Variants in ITPKA observed in about 807,000 individuals in gnomAD.
ITPKA encodes the protein IP3 3-kinase A.
In ITPKA, 16 loss-of-function variants were observed where a neutral mutation model predicts 40.7. That is an observed-to-expected ratio of 0.39 (90% CI 0.27 to 0.60). The LOEUF (loss-of-function observed/expected upper bound fraction) is 0.60. Among genes scored for constraint, ITPKA ranks in the 20% least tolerant of loss-of-function variants. ITPKA has a pLI of 0.50. For missense variants in ITPKA, 540 were observed against 649.3 expected, an observed-to-expected ratio of 0.83 and a Z score of 1.83; for synonymous variants, 313 against 289.9, an observed-to-expected ratio of 1.08 and a Z score of -0.81.
At position 41,494,152 on chromosome 15, in the gene ITPKA, G is replaced by A. The variant is rs548638308; in HGVS notation, c.225G>A (p.Pro75=). 395 of 1,472,774 alleles carry A rather than the reference G, an allele frequency of 2.7e-4. 3 individuals carry two copies. In the South Asian group the frequency reaches 4.8e-3, roughly 18 times the overall value. The allele number at this position is 1,472,774 out of a possible 1,614,324, so 91.2% of individuals were successfully genotyped here. The part of the protein sequence containing the change: ...QVPNGLPRAP[P]APVIPQLTVT... ...CCAACGGGCTTCCGCGGGCTCCCCC[G>A]GCCCCGGTGATCCCTCAGCTGACCG... Residue 75 remains proline (P), a synonymous_variant, in exon 1 of 7, where the codon CCG becomes CCA. Transcript: ENST00000260386. This position sits in a 1 kb window ranked among gnomAD's most constrained non-coding sequence, Gnocchi z 7.8.
Position 41,494,283 on chromosome 15 carries a change from G to T in ITPKA, c.356G>T (p.Arg119Leu), listed in dbSNP as rs868147683. The T allele has an allele frequency of 6.5e-7, 1 of 1,548,234 alleles. No homozygotes were observed. The highest frequency in any genetic ancestry group is 1.4e-5 in the African/African-American group (1 of 72,894). The change falls in exon 1 of 7, where the codon CGC becomes CTC. Residue 119 changes from arginine (R) to leucine (L), a missense_variant. Arg to Leu is a moderately radical substitution (Grantham distance 102). Coordinates refer to ENST00000260386, the MANE Select transcript of ITPKA (RefSeq NM_002220.3). This position sits in a 1 kb window ranked among gnomAD's most constrained non-coding sequence, Gnocchi z 7.8. Reference protein sequence around the residue: ...AGSSHLQQPRRLSTSSVSSTG... With the variant: ...AGSSHLQQPRLLSTSSVSSTG... ...TCTTCGCACCTGCAGCAGCCGCGCC[G>T]CCTTTCCACCTCGTCGGTCTCCTCC...
chr15:41,502,371 G>A (rs1287549932), intron 4 of ITPKA, 31 bp from the exon 5 acceptor site: 16 of 1,511,574 alleles, frequency 1.1e-5, no homozygotes, highest in Non-Finnish European at 1.4e-5. Context: ...TGGCGGGCCC[G>A]GGGCCCCTGA....
intron 5 of ITPKA, 40 bp downstream of exon 5, chr15:41,502,543 T>C: frequency 8.1e-7 from 1 of 1,237,438 alleles, no homozygotes. Context: ...TTGGGGAGCC[T>C]GAAGCCGAGG....
chr15:41,502,370 C>A, intron 4 of ITPKA, 32 bp from the exon 5 acceptor site: 1 of 1,511,928 alleles, frequency 6.6e-7, no homozygotes, highest in Non-Finnish European at 9.2e-7. Context: ...CTGGCGGGCC[C>A]GGGGCCCCTG....
At chr15:41,498,469 A>G (rs2051089100) in intron 1 of ITPKA, among the ~76,000 whole-genome samples, 1 of 152,186 alleles carries the variant, frequency 6.6e-6, no homozygotes, top group Admixed American at 6.5e-5. Flanking sequence ...ATCAAATGGT[A>G]GTAGCCCAGG....
intron 1 of ITPKA, among the ~76,000 whole-genome samples, chr15:41,500,915 AAG>A (rs2051104587): frequency 6.6e-6 from 1 of 151,450 alleles, no homozygotes; most frequent in Admixed American, 6.6e-5. Flanking sequence ...AGGCTGAAAC[AAG>A]AGAACCGCCT....
In ITPKA at chr15:41,493,899, G is replaced by T; in HGVS notation, c.-29G>T. On this transcript the variant is annotated 5_prime_UTR_variant, in exon 1 of 7. Transcript: ENST00000260386. The stretch of plus-strand genomic sequence containing the variant: ...AGTCCCCGGCGCGCCGCGGGCTGGT[G>T]GGCTCAGCGGCGGCGCCGGCACTGG... The T allele has an allele frequency of 1.0e-6, 1 of 1,002,424 alleles. No individual in the cohort carries two copies. The highest frequency in any genetic ancestry group is 1.2e-6 in the Non-Finnish European group (1 of 842,324). 62.1% of individuals were successfully genotyped at this position (1,002,424 alleles called of 1,614,324 possible).
Position 41,494,130 on chromosome 15 carries a change from A to G in ITPKA, c.203A>G (p.Asn68Ser), listed in dbSNP as rs1489820008. ...GAKRRGGQVP[N>S]GLPRAPPAPV... The stretch of plus-strand genomic sequence containing the variant: ...AAGCGGCGTGGGGGACAGGTCCCCA[A>G]CGGGCTTCCGCGGGCTCCCCCGGCC... The change falls in exon 1 of 7, where the codon AAC becomes AGC. Residue 68 changes from asparagine to serine, a missense_variant. Transcript: ENST00000260386. This position sits in a 1 kb window ranked among gnomAD's most constrained non-coding sequence, Gnocchi z 7.8. 1.4e-6 allele frequency: 2 copies of G among 1,444,484 alleles called. No homozygotes were observed. The highest frequency in any genetic ancestry group is 2.4e-5 in the Admixed American group (1 of 41,002). 89.5% of individuals were successfully genotyped at this position (1,444,484 alleles called of 1,614,324 possible). A position where few individuals can be genotyped will look rare whatever the true frequency, so the allele number is the denominator to read the frequency against.
chr15:41,501,597 G>A (rs1260910539), intron 2 of ITPKA, 38 bp downstream of exon 2: 8 of 1,579,256 alleles, frequency 5.1e-6, no homozygotes, highest in Non-Finnish European at 6.0e-6. Flanking sequence ...CCCGCGACGG[G>A]AAGGGGCTGG....
At chr15:41,500,902 G>A (rs989509744) in intron 1 of ITPKA, among the ~76,000 whole-genome samples, 1 of 151,118 alleles carries the variant, frequency 6.6e-6, no homozygotes, top group Non-Finnish European at 1.5e-5. Flanking sequence ...TCAGCTACTC[G>A]GGAGGCTGAA....
intron 4 of ITPKA, 71 bp downstream of exon 4, chr15:41,502,272 C>A (rs1299502521): frequency 2.2e-6 from 3 of 1,366,392 alleles, no homozygotes; most frequent in Non-Finnish European, 3.0e-6. Context: ...CCCCCGCTCC[C>A]GCCCCGCCTG....
Position 41,502,162 on chromosome 15 carries a change from C to T in ITPKA, c.969C>T (p.Ser323=). ...ACATGCAGTGGCGGGAAGGCATCAG[C>T]TCCAGCACCACCCTCGGCTTCCGCA... ...PRYMQWREGI[S]SSTTLGFRIE... The change falls in exon 4 of 7, where the codon AGC becomes AGT. Residue 323 remains serine (S), a synonymous_variant. Coordinates refer to ENST00000260386, the MANE Select transcript of ITPKA (RefSeq NM_002220.3). The T allele has an allele frequency of 1.3e-6, 2 of 1,597,738 alleles. No individual in the cohort carries two copies. The highest frequency in any genetic ancestry group is 1.7e-6 in the Non-Finnish European group (2 of 1,172,804).
rs577751439 is a variant in ITPKA at position 41,499,711 on chromosome 15, C to CT, written c.490-1751dup. ...TAACTGTGCTAAAAGGCAAGTGCCT[C>CT]TGTGGGGAGGCGGCAGACACAGTTG... is the stretch of plus-strand genomic sequence containing the variant. On this transcript the variant is annotated intron_variant, in intron 1 of 6. Coordinates refer to ENST00000260386, the MANE Select transcript of ITPKA (RefSeq NM_002220.3). Among the ~76,000 whole-genome samples, 253 of 152,236 alleles carry CT rather than the reference C, an allele frequency of 1.7e-3. 3 individuals carry two copies. Among genetic ancestry groups the CT allele is most frequent in the Middle Eastern group, 0.014 (4 of 294 alleles).
In ITPKA at chr15:41,503,314, G is replaced by T. The variant is rs1057486744; in HGVS notation, c.*148G>T. 3.1e-6 allele frequency: 2 copies of T among 652,236 alleles called. No homozygotes were observed. The highest frequency in any genetic ancestry group is 5.2e-6 in the Non-Finnish European group (2 of 383,580). 40.4% of individuals were successfully genotyped at this position (652,236 alleles called of 1,614,324 possible). On this transcript the variant is annotated 3_prime_UTR_variant, in exon 7 of 7. Coordinates refer to ENST00000260386, the MANE Select transcript of ITPKA (RefSeq NM_002220.3). ...GACCAGGTGCCAGCCACTAAGGGGG[G>T]GCACCGCCGATGCCAGGGGTTTTGC...
rs745923783 is a variant in ITPKA at position 41,502,016 on chromosome 15, C to T, written c.823C>T (p.Leu275=). 6.2e-7 allele frequency: 1 copy of T among 1,613,236 alleles called. No homozygotes were observed. The highest frequency in any genetic ancestry group is 1.1e-5 in the South Asian group (1 of 91,068). Residue 275 remains leucine (L), a synonymous_variant, in exon 4 of 7, where the codon CTG becomes TTG. Coordinates refer to ENST00000260386, the MANE Select transcript of ITPKA (RefSeq NM_002220.3). ...CCACAGGACTTACCTAGAGGAGGAG[C>T]TGACCAAGGCCCGTGAGCGGCCCAA... ...MGVRTYLEEE[L]TKARERPKLR... is the part of the protein sequence containing the mutation.
At chr15:41,496,199 C>T (rs1486307933) in intron 1 of ITPKA, among the ~76,000 whole-genome samples, 2 of 152,266 alleles carry the variant, frequency 1.3e-5, no homozygotes, top group East Asian at 1.9e-4. Context: ...GGTCCCAGAG[C>T]CGCACAGCGC....
At chr15:41,500,095 G>A (rs1427069166) in intron 1 of ITPKA, among the ~76,000 whole-genome samples, 1 of 152,044 alleles carries the variant, frequency 6.6e-6, no homozygotes, top group Non-Finnish European at 1.5e-5. Context: ...CAAGTAGCTG[G>A]GACCACAGGC....
Position 41,501,987 on chromosome 15 carries a change from G to A in ITPKA, c.804-10G>A, listed in dbSNP as rs1350275004. Reference sequence around the variant, plus strand: ...CCCTCATGCCCTGGCCGCTGCCTGCGCCCCCACAGGACTTACCTAGAGGAG... The same window carrying A: ...CCCTCATGCCCTGGCCGCTGCCTGCACCCCCACAGGACTTACCTAGAGGAG... On this transcript the variant is annotated splice_polypyrimidine_tract_variant and intron_variant, in intron 3 of 6. Coordinates refer to ENST00000260386, the MANE Select transcript of ITPKA (RefSeq NM_002220.3). 2.5e-6 allele frequency: 4 copies of A among 1,610,280 alleles called. No individual in the cohort carries two copies. The highest frequency in any genetic ancestry group is 1.3e-5 in the African/African-American group (1 of 74,830).
chr15:41,499,309 G>A (rs2051094437), intron 1 of ITPKA, among the ~76,000 whole-genome samples: 1 of 152,226 alleles, frequency 6.6e-6, no homozygotes, highest in South Asian at 2.1e-4. Context: ...ACACCCTAGT[G>A]TGCCATGTAA....
Sources: allele counts gnomAD v4.1 joint callset (sites outside exome capture counted in the v4.1 genomes callset), GRCh38; gene constraint gnomAD v4.1.1; non-coding constraint Gnocchi (gnomAD v3.1); transcripts MANE v1.5; gene names NCBI Gene and HGNC (gene_info 2026-07-23, HGNC 2026-07-21).